CDH4: variants seen among roughly 807,000 people sequenced by gnomAD.
CDH4 encodes the protein cadherin 4, also known as cadherin-4.
In CDH4, 33 loss-of-function variants were observed where a neutral mutation model predicts 86.0. The ratio of observed to expected loss-of-function variants is 0.38; its 90% confidence interval spans 0.29 to 0.51. CDH4 has a LOEUF of 0.51. CDH4 is among the 20% of genes least tolerant of loss of function. The pLI is 0.86. For synonymous variants in CDH4, 555 were observed against 549.4 expected (o/e 1.01, Z -0.14); for missense variants, 1,114 against 1,307.4 (o/e 0.85, Z 2.28).
chr20:61,439,046 C>A (rs1183579116), intron 2 of CDH4, among the ~76,000 whole-genome samples: 1 of 152,104 alleles, frequency 6.6e-6, no homozygotes, highest in African/African-American at 2.4e-5. Flanking sequence ...CCAAGCCTAG[C>A]ATCTGCCTTC....
intron 2 of CDH4, among the ~76,000 whole-genome samples, chr20:61,551,806 A>T (rs567522781): frequency 5.3e-4 from 81 of 152,370 alleles, no homozygotes; most frequent in African/African-American, 1.9e-3. Context: ...GAAGTGAATT[A>T]AGAGTCTAGA....
intron 2 of CDH4, among the ~76,000 whole-genome samples, chr20:61,264,463 C>T (rs1377753921): frequency 6.7e-5 from 9 of 134,150 alleles, no homozygotes; most frequent in Non-Finnish European, 1.3e-4. Context: ...TACACATACC[C>T]CAGTGGCTCC....
chr20:61,580,315 C>T (rs555357583), intron 2 of CDH4, among the ~76,000 whole-genome samples: 32 of 152,100 alleles, frequency 2.1e-4, no homozygotes, highest in Non-Finnish European at 3.5e-4. Flanking sequence ...ATTAGCCAGG[C>T]GTGGTGGTGC....
chr20:61,391,981 C>A (rs1009122106), intron 2 of CDH4, among the ~76,000 whole-genome samples: 2 of 151,958 alleles, frequency 1.3e-5, no homozygotes, highest in Non-Finnish European at 2.9e-5. Flanking sequence ...AGAAAGACAG[C>A]CCCAGTGACT....
chr20:61,832,573 G>A (rs140582074), intron 4 of CDH4, among the ~76,000 whole-genome samples: 9 of 152,250 alleles, frequency 5.9e-5, no homozygotes, highest in African/African-American at 1.9e-4. Flanking sequence ...GGGAAGCAAG[G>A]ACCTTCTTCA....
intron 3 of CDH4, among the ~76,000 whole-genome samples, chr20:61,757,636 A>G (rs1418131768): frequency 6.6e-6 from 1 of 152,208 alleles, no homozygotes; most frequent in Non-Finnish European, 1.5e-5. Flanking sequence ...CTCAGTGCAG[A>G]CACTGCCAGG....
intron 2 of CDH4, among the ~76,000 whole-genome samples, chr20:61,552,913 G>A (rs1383331514): frequency 1.3e-5 from 2 of 152,016 alleles, no homozygotes; most frequent in African/African-American, 4.8e-5. Context: ...AATAGAGTTA[G>A]CATTAGCATA....
At chr20:61,309,762 A>G (rs2427065) in intron 2 of CDH4, among the ~76,000 whole-genome samples, 146,707 of 152,270 alleles carry the variant, frequency 0.96, 70,870 homozygotes, top group East Asian at 1. Context: ...CAAAAGCTTC[A>G]TGAACATATA....
intron 4 of CDH4, among the ~76,000 whole-genome samples, chr20:61,780,831 G>A (rs938210502): frequency 4.6e-5 from 7 of 152,220 alleles, no homozygotes; most frequent in African/African-American, 1.7e-4. Context: ...CCCAGGCCTT[G>A]CCTCAAAGGG....
At chr20:61,874,033 G>A (rs1983917907) in intron 7 of CDH4, 133 bp downstream of exon 7, 4 of 916,822 alleles carry the variant, frequency 4.4e-6, no homozygotes, top group East Asian at 2.5e-5. Flanking sequence ...GCACTCTCTT[G>A]CCATGGGAGA....
At chr20:61,400,464 G>A (rs775952164) in intron 2 of CDH4, among the ~76,000 whole-genome samples, 5 of 152,140 alleles carry the variant, frequency 3.3e-5, no homozygotes, top group African/African-American at 4.8e-5. Flanking sequence ...GATGATCCCC[G>A]GAAACCCTAG....
chr20:61,593,793 G>A (rs968978709), intron 2 of CDH4, among the ~76,000 whole-genome samples: 5 of 151,600 alleles, frequency 3.3e-5, no homozygotes, highest in African/African-American at 7.3e-5. Flanking sequence ...AGAACCCCCT[G>A]GGGATGCCCG....
chr20:61,836,071 G>T (rs1247049034), intron 4 of CDH4, among the ~76,000 whole-genome samples: 1 of 152,234 alleles, frequency 6.6e-6, no homozygotes, highest in African/African-American at 2.4e-5. Flanking sequence ...CTCCATCTGT[G>T]TTTCCACACT....
At position 61,879,679 on chromosome 20, in the gene CDH4, A is replaced by G. The variant is rs1428066270; in HGVS notation, c.1050+5779A>G. 6.6e-6 allele frequency among the ~76,000 whole-genome samples: 1 copy of G among 152,148 alleles called. No individual in the cohort carries two copies. The highest frequency in any genetic ancestry group is 1.5e-5 in the Non-Finnish European group (1 of 68,034). ...ATTCATCTGGCGTTGTTTCCTAATT[A>G]GAATATTTATGGCCTAATGAGGAGG... On this transcript the variant is annotated intron_variant, in intron 7 of 15. Transcript: ENST00000614565. This position sits in a 1 kb window ranked among gnomAD's most constrained non-coding sequence, Gnocchi z 4.1.
chr20:61,659,557 CG>C (rs2087229141), intron 2 of CDH4, among the ~76,000 whole-genome samples: 1 of 142,176 alleles, frequency 7.0e-6, no homozygotes, highest in African/African-American at 2.7e-5. Context: ...CTCAGGCATC[CG>C]AGGCTTGGAG....
chr20:61,757,757 T>C (rs2088582943), intron 3 of CDH4, among the ~76,000 whole-genome samples: 1 of 152,166 alleles, frequency 6.6e-6, no homozygotes, highest in Admixed American at 6.5e-5. Context: ...AAGTGGGCCA[T>C]GCCGGCAGGG....
intron 4 of CDH4, among the ~76,000 whole-genome samples, chr20:61,825,927 G>GA (rs1325343574): frequency 7.2e-5 from 11 of 152,198 alleles, no homozygotes; most frequent in African/African-American, 2.6e-4. Flanking sequence ...TCTCACATCC[G>GA]ATTTGTCTCC....
chr20:61,890,069 C>G (rs556671609), intron 7 of CDH4, among the ~76,000 whole-genome samples: 8,350 of 128,896 alleles, frequency 0.065, 598 homozygotes, highest in African/African-American at 0.2. Flanking sequence ...ATGATGGATG[C>G]ATGGGTGGAT....
chr20:61,381,790 T>C (rs6061585), intron 2 of CDH4, among the ~76,000 whole-genome samples: 37,432 of 151,880 alleles, frequency 0.25, 4,926 homozygotes, highest in African/African-American at 0.34. Context: ...AAAAGATAAC[T>C]GTTGGCCAGG....
Sources: gnomAD v4.1 joint callset for allele counts (sites outside exome capture counted in the v4.1 genomes callset) on GRCh38, gnomAD v4.1.1 for gene constraint, Gnocchi (gnomAD v3.1) non-coding constraint, MANE v1.5 for transcripts, NCBI Gene and HGNC (gene_info 2026-07-23, HGNC 2026-07-21) for gene names.